Variants in GRAMD2A observed in about 807,000 individuals in gnomAD.
GRAMD2A encodes the protein GRAM domain-containing protein 2A.
A neutral mutation model predicts 51.1 loss-of-function variants in GRAMD2A; 37 were observed. That is an observed-to-expected ratio of 0.72 (90% CI 0.56 to 0.95). The LOEUF (loss-of-function observed/expected upper bound fraction) is 0.95, where lower values mean the gene tolerates loss of function less well. Among genes scored for constraint, GRAMD2A ranks in the 40% least tolerant of loss-of-function variants. The pLI, the probability that GRAMD2A is intolerant of heterozygous loss-of-function variation, is 0.00. For missense variants in GRAMD2A, 414 were observed against 426.9 expected (o/e 0.97, Z 0.27); for synonymous variants, 136 against 157.1 (o/e 0.87, Z 1.01).
chr15:72,185,126 G>C (rs1211432125), intron 1 of GRAMD2A, among the ~76,000 whole-genome samples: 1 of 151,380 alleles, frequency 6.6e-6, no homozygotes, highest in Non-Finnish European at 1.5e-5. Context: ...CTACAATACA[G>C]TTATAAAGTA....
chr15:72,190,212 TAAA>T (rs952496434), intron 1 of GRAMD2A, among the ~76,000 whole-genome samples: 1 of 151,242 alleles, frequency 6.6e-6, no homozygotes, highest in Non-Finnish European at 1.5e-5. Context: ...CCGTGTCTAC[TAAA>T]AAAAATACAA....
chr15:72,188,303 C>T (rs2140559681), intron 1 of GRAMD2A, among the ~76,000 whole-genome samples: 1 of 150,972 alleles, frequency 6.6e-6, no homozygotes, highest in East Asian at 2.0e-4. Flanking sequence ...TCCTACTGCA[C>T]TCCAGCCTGG....
In GRAMD2A at chr15:72,174,351, C is replaced by A. The variant is rs2081636488; in HGVS notation, c.42-4412G>T. On this transcript the variant is annotated intron_variant, in intron 1 of 11. Coordinates refer to ENST00000309731, the MANE Select transcript of GRAMD2A (RefSeq NM_001012642.3). ...ACAGGGCTCAGCCTGGTCCCCCACC[C>A]TGCAGGCAGCCGCTGTAGACTCTAC... 3.3e-5 allele frequency among the ~76,000 whole-genome samples: 5 copies of A among 152,288 alleles called. No individual in the cohort carries two copies. The South Asian group carries it at 1.0e-3, about 32-fold the overall frequency.
intron 2 of GRAMD2A, 90 bp downstream of exon 2, chr15:72,169,757 G>T: frequency 9.3e-7 from 1 of 1,070,144 alleles, no homozygotes. Flanking sequence ...CCCCGGCTCT[G>T]CCTTGAGGTC....
intron 2 of GRAMD2A, 56 bp from the exon 3 acceptor site, chr15:72,169,052 C>T: frequency 6.6e-7 from 1 of 1,510,020 alleles, no homozygotes; most frequent in Non-Finnish European, 9.2e-7. Context: ...GCCCATGCAT[C>T]CTCAGTGCCA....
In GRAMD2A at chr15:72,168,562, G is replaced by A; in HGVS notation, c.197C>T (p.Thr66Ile). The A allele has an allele frequency of 3.7e-6, 6 of 1,613,278 alleles. No individual in the cohort carries two copies. Among genetic ancestry groups the A allele is most frequent in the Non-Finnish European group, 5.1e-6 (6 of 1,179,388 alleles). ...EIKKCGREGITLNKYNQQYHK... is the reference protein window; with the variant it reads ...EIKKCGREGIILNKYNQQYHK... ...GTATTGCTGGTTGTATTTATTCAGT[G>A]TTATCTGCAAACACACAGGCTGCGT... is the stretch of plus-strand genomic sequence containing the variant. The change falls in exon 4 of 12, where the codon ACA (threonine) becomes ATA (isoleucine). Residue 66 changes from threonine (T) to isoleucine (I), a missense_variant. Physicochemically the swap from Thr to Ile is moderately conservative, Grantham distance 89 (BLOSUM62 -1). Transcript: ENST00000309731.
At chr15:72,187,102 G>A (rs959639966) in intron 1 of GRAMD2A, among the ~76,000 whole-genome samples, 5 of 151,782 alleles carry the variant, frequency 3.3e-5, no homozygotes, top group Admixed American at 2.0e-4. Flanking sequence ...TAGAGGTAGA[G>A]TGAGCTGAGA....
chr15:72,186,760 A>G (rs559815732), intron 1 of GRAMD2A, among the ~76,000 whole-genome samples: 2 of 152,348 alleles, frequency 1.3e-5, no homozygotes, highest in Admixed American at 1.3e-4. Context: ...TTTTATCAGT[A>G]TAATGGATTC....
intron 1 of GRAMD2A, among the ~76,000 whole-genome samples, chr15:72,183,613 T>C (rs1422218731): frequency 6.6e-6 from 1 of 151,770 alleles, no homozygotes; most frequent in Non-Finnish European, 1.5e-5. Context: ...GTGAATCACC[T>C]GAGATCGGCA....
At chr15:72,169,511 C>A (rs1461056124) in intron 2 of GRAMD2A, 2 of 546,630 alleles carry the variant, frequency 3.7e-6, no homozygotes, top group East Asian at 9.2e-5. Context: ...GGGAGCTTGG[C>A]ACAGACTCAC....
At chr15:72,180,217 A>G (rs1447269035) in intron 1 of GRAMD2A, among the ~76,000 whole-genome samples, 4 of 152,242 alleles carry the variant, frequency 2.6e-5, no homozygotes, top group Non-Finnish European at 5.9e-5. Flanking sequence ...GCCAAATCAC[A>G]GAGCCGGCTC....
In GRAMD2A at chr15:72,192,900, G is replaced by A. The variant is rs1301245260; in HGVS notation, c.41+4831C>T. Reference sequence around the variant, plus strand: ...AGCACTTTGGGAGGCCAAGGTGGGCGGATCACCTGAGGTCAGGAGTTCAAG... The same window carrying A: ...AGCACTTTGGGAGGCCAAGGTGGGCAGATCACCTGAGGTCAGGAGTTCAAG... On this transcript the variant is annotated intron_variant, in intron 1 of 11. Coordinates refer to ENST00000309731, the MANE Select transcript of GRAMD2A (RefSeq NM_001012642.3). Among the ~76,000 whole-genome samples the A allele has an allele frequency of 7.2e-5, 11 of 152,082 alleles. No homozygotes were observed. In the East Asian group the frequency reaches 9.7e-4, roughly 13 times the overall value.
Position 72,168,653 on chromosome 15 carries a change from C to G in GRAMD2A, c.193-87G>C. On this transcript the variant is annotated intron_variant, in intron 3 of 11. Coordinates refer to ENST00000309731, the MANE Select transcript of GRAMD2A (RefSeq NM_001012642.3). ...CTCCAGCCAACAGGAAATGCCACAGCCCCCCGGCCCATGCTGGGGACTTAG... is the reference window on the plus strand; with the variant it reads ...CTCCAGCCAACAGGAAATGCCACAGGCCCCCGGCCCATGCTGGGGACTTAG... The G allele has an allele frequency of 3.6e-6, 4 of 1,120,208 alleles. No individual in the cohort carries two copies. In the South Asian group the frequency reaches 3.7e-5, roughly 10 times the overall value. The allele number at this position is 1,120,208 out of a possible 1,614,324, so 69.4% of individuals were successfully genotyped here.
At position 72,175,080 on chromosome 15, in the gene GRAMD2A, G is replaced by A. The variant is rs1596689468; in HGVS notation, c.42-5141C>T. The stretch of plus-strand genomic sequence containing the variant: ...ACCCACTTCCTCCTTGGCATCCAAT[G>A]TCTGTGAAAGGCTCTGTCTCCCCAC... On this transcript the variant is annotated intron_variant, in intron 1 of 11. Transcript: ENST00000309731. 2.6e-5 allele frequency among the ~76,000 whole-genome samples: 4 copies of A among 151,846 alleles called. No individual in the cohort carries two copies. In the South Asian group the frequency reaches 8.3e-4, roughly 32 times the overall value.
In GRAMD2A at chr15:72,169,500, G is replaced by A. The variant is rs768666384; in HGVS notation, c.134+347C>T. 2.2e-5 allele frequency: 12 copies of A among 538,668 alleles called. No homozygotes were observed. The Middle Eastern group carries it at 2.0e-3, about 88-fold the overall frequency. 33.4% of individuals were successfully genotyped at this position (538,668 alleles called of 1,614,324 possible). A position where few individuals can be genotyped will look rare whatever the true frequency, so the allele number is the denominator to read the frequency against. ...CTTCCTGTGGCCTGAGCTCTGCTGCGGGGAGCTTGGCACAGACTCACCTGA... is the reference window on the plus strand; with the variant it reads ...CTTCCTGTGGCCTGAGCTCTGCTGCAGGGAGCTTGGCACAGACTCACCTGA... On this transcript the variant is annotated intron_variant, in intron 2 of 11. Transcript: ENST00000309731.
chr15:72,178,568 C>CTTTTTTTTT (rs537075334), intron 1 of GRAMD2A, among the ~76,000 whole-genome samples: 20 of 84,188 alleles, frequency 2.4e-4, no homozygotes, highest in East Asian at 4.4e-4. Context: ...CTTGCACTTT[C>CTTTTTTTTT]TTTTTTTTTT....
intron 1 of GRAMD2A, among the ~76,000 whole-genome samples, chr15:72,187,822 A>G (rs138890345): frequency 6.6e-6 from 1 of 152,306 alleles, no homozygotes; most frequent in East Asian, 1.9e-4. Context: ...GTACCTGGCC[A>G]TAATATCTTT....
intron 4 of GRAMD2A, 98 bp downstream of exon 4, chr15:72,168,393 G>T: frequency 1.2e-6 from 1 of 842,072 alleles, no homozygotes; most frequent in Admixed American, 1.8e-5. Context: ...AGGACAGCCA[G>T]TTCCCATTTC....
intron 8 of GRAMD2A, among the ~76,000 whole-genome samples, chr15:72,164,625 G>A (rs1184810342): frequency 2.6e-5 from 4 of 151,958 alleles, no homozygotes; most frequent in South Asian, 2.1e-4. Context: ...GGCCAATCTC[G>A]AACTCCCGGG....
Sources: allele counts gnomAD v4.1 joint callset (sites outside exome capture counted in the v4.1 genomes callset), GRCh38; gene constraint gnomAD v4.1.1; transcripts MANE v1.5; gene names NCBI Gene and HGNC (gene_info 2026-07-23, HGNC 2026-07-21).